The following CPXM2 variants were observed in gnomAD, a reference collection of about 807,000 sequenced individuals.
CPXM2 encodes the protein carboxypeptidase X, M14 family member 2.
In CPXM2, 66 loss-of-function variants were observed where a neutral mutation model predicts 86.1. The observed-to-expected ratio is 0.77, with a 90% CI of 0.63 to 0.94. The LOEUF (loss-of-function observed/expected upper bound fraction) is 0.94, where lower values mean the gene tolerates loss of function less well. CPXM2 is among the 40% of genes least tolerant of loss of function. The pLI is 0.00. For missense variants in CPXM2, 948 were observed against 1,026.3 expected (o/e 0.92, Z 1.04); for synonymous variants, 388 against 400.2 (o/e 0.97, Z 0.36).
chr10:123,770,866 A>T (rs1161710712), intron 8 of CPXM2, 50 bp downstream of exon 8: 2 of 1,576,154 alleles, frequency 1.3e-6, no homozygotes, highest in Non-Finnish European at 8.6e-7. Context: ...AACTGTTTAC[A>T]TGAGTACCAA....
chr10:123,760,823 C>T (rs2133985524), intron 11 of CPXM2, among the ~76,000 whole-genome samples: 1 of 152,240 alleles, frequency 6.6e-6, no homozygotes, highest in Non-Finnish European at 1.5e-5. Context: ...CCCGTTTTTA[C>T]AAATGAAAAA....
At chr10:123,807,830 G>A (rs1357402141) in intron 4 of CPXM2, among the ~76,000 whole-genome samples, 2 of 152,214 alleles carry the variant, frequency 1.3e-5, no homozygotes, top group Admixed American at 6.5e-5. Flanking sequence ...TTCAGGGAAA[G>A]TTTAAAAACC....
At chr10:123,818,773 C>A (rs1847865566) in intron 4 of CPXM2, among the ~76,000 whole-genome samples, 1 of 152,156 alleles carries the variant, frequency 6.6e-6, no homozygotes, top group Admixed American at 6.5e-5. Context: ...ACAACGCCAA[C>A]TCAGTGACAA....
At chr10:123,792,947 C>T (rs2134055983) in intron 6 of CPXM2, among the ~76,000 whole-genome samples, 1 of 152,302 alleles carries the variant, frequency 6.6e-6, no homozygotes, top group African/African-American at 2.4e-5. Flanking sequence ...GGCAGCCACC[C>T]CAGAGCCCCC....
intron 2 of CPXM2, among the ~76,000 whole-genome samples, chr10:123,901,128 GAA>G (rs1276807942): frequency 6.6e-6 from 1 of 152,144 alleles, no homozygotes; most frequent in East Asian, 1.9e-4. Context: ...TACACAGTAA[GAA>G]AAATAGATCA....
chr10:123,836,456 G>A (rs533119267), intron 4 of CPXM2, among the ~76,000 whole-genome samples: 2 of 152,082 alleles, frequency 1.3e-5, no homozygotes, highest in East Asian at 1.9e-4. Flanking sequence ...GTGCCACAAC[G>A]CCCTTGTTCC....
At chr10:123,915,802 C>T (rs1451415145) in intron 2 of CPXM2, among the ~76,000 whole-genome samples, 6 of 152,104 alleles carry the variant, frequency 3.9e-5, no homozygotes, top group African/African-American at 7.2e-5. Context: ...GACAGGGAAC[C>T]GAGAAAGTGC....
intron 6 of CPXM2, among the ~76,000 whole-genome samples, chr10:123,790,916 C>A (rs1847192710): frequency 6.6e-6 from 1 of 152,166 alleles, no homozygotes; most frequent in Non-Finnish European, 1.5e-5. Context: ...CACATGAGGT[C>A]TCTAACTGGG....
upstream of CPXM2, among the ~76,000 whole-genome samples, chr10:123,941,066 G>A (rs1198981844): frequency 6.6e-6 from 1 of 152,216 alleles, no homozygotes; most frequent in Non-Finnish European, 1.5e-5. Flanking sequence ...AGCTACTCGG[G>A]AGGCTGAGGC....
At chr10:123,769,071 T>C (rs898548517) in intron 8 of CPXM2, among the ~76,000 whole-genome samples, 1 of 152,236 alleles carries the variant, frequency 6.6e-6, no homozygotes, top group Non-Finnish European at 1.5e-5. Context: ...TGGGAGGCAA[T>C]TATTTTTCTT....
At chr10:123,908,294 G>A (rs1378661799) in intron 2 of CPXM2, among the ~76,000 whole-genome samples, 1 of 152,162 alleles carries the variant, frequency 6.6e-6, no homozygotes, top group African/African-American at 2.4e-5. Flanking sequence ...AGAAAGACTA[G>A]GAAGTGAGAA....
chr10:123,878,517 G>A lies in CPXM2; in HGVS notation c.403+1694C>T, dbSNP rs899743354. Among the ~76,000 whole-genome samples the A allele has an allele frequency of 5.4e-4, 78 of 144,860 alleles. 1 individual carries two copies. Among genetic ancestry groups the A allele is most frequent in the African/African-American group, 1.9e-3 (67 of 35,864 alleles). ...GAGGCAAATTCAGACGTGTGTGTGT[G>A]TGTGTGTGTGTGTGTGTGTGTGTGT... On this transcript the variant is annotated intron_variant, in intron 2 of 13. Transcript: ENST00000241305.
In CPXM2 at chr10:123,767,003, G is replaced by C. The variant is rs1327826409; in HGVS notation, c.1449C>G (p.Ile483Met). ...CATTTTCCGACAGAAACCACTCAGG[G>C]ATTGCAATATAGTGATTGGGAACTT... ...PRKVPNHYIA[I>M]PEWFLSENAT... The change falls in exon 10 of 14, where the codon ATC becomes ATG. Residue 483 changes from isoleucine (I) to methionine (M), a missense_variant. Physicochemically the swap from Ile to Met is conservative, Grantham distance 10. Coordinates refer to ENST00000241305, the MANE Select transcript of CPXM2 (RefSeq NM_198148.3). The C allele has an allele frequency of 1.9e-6, 3 of 1,614,004 alleles. No individual in the cohort carries two copies. The African/African-American group carries it at 4.0e-5, about 22-fold the overall frequency.
chr10:123,912,623 C>A (rs1465850379), intron 2 of CPXM2, among the ~76,000 whole-genome samples: 1 of 152,202 alleles, frequency 6.6e-6, no homozygotes, highest in Non-Finnish European at 1.5e-5. Context: ...GGAGGCACTG[C>A]CAGGGATTGG....
chr10:123,763,101 G>A (rs1311498067), intron 10 of CPXM2, among the ~76,000 whole-genome samples: 5 of 152,194 alleles, frequency 3.3e-5, no homozygotes, highest in South Asian at 2.1e-4. Context: ...GTGCAGTGGC[G>A]CGATCTTGGC....
intron 11 of CPXM2, among the ~76,000 whole-genome samples, chr10:123,759,934 ATGAG>A (rs1472313056): frequency 1.3e-5 from 2 of 152,276 alleles, no homozygotes; most frequent in African/African-American, 4.8e-5. Flanking sequence ...GGCACAGCTA[ATGAG>A]TGAGAAAAAA....
intron 2 of CPXM2, among the ~76,000 whole-genome samples, chr10:123,928,010 T>G (rs1340619167): frequency 6.6e-6 from 1 of 152,190 alleles, no homozygotes; most frequent in Non-Finnish European, 1.5e-5. Flanking sequence ...GGCCTATTCA[T>G]GAGTGTCAAT....
chr10:123,866,026 T>A (rs1203471017), intron 2 of CPXM2, among the ~76,000 whole-genome samples: 1 of 152,120 alleles, frequency 6.6e-6, no homozygotes, highest in African/African-American at 2.4e-5. Context: ...CTGGTTTCCA[T>A]CACACAATGT....
intron 4 of CPXM2, among the ~76,000 whole-genome samples, chr10:123,841,932 C>T (rs1848395771): frequency 6.6e-6 from 1 of 152,240 alleles, no homozygotes; most frequent in African/African-American, 2.4e-5. Context: ...GATTTCCAGT[C>T]CTTCTTTCCA....
Sources: allele counts gnomAD v4.1 joint callset (sites outside exome capture counted in the v4.1 genomes callset), GRCh38; gene constraint gnomAD v4.1.1; transcripts MANE v1.5; gene names NCBI Gene and HGNC (gene_info 2026-07-23, HGNC 2026-07-21).